The following KCTD1 variants were observed in gnomAD, a reference collection of about 807,000 sequenced individuals.
KCTD1 encodes BTB/POZ domain-containing protein KCTD1.
In KCTD1, 24 loss-of-function variants were observed where a neutral mutation model predicts 66.0. The observed-to-expected ratio is 0.36, with a 90% CI of 0.26 to 0.51. KCTD1 has a LOEUF of 0.51. Ranked by LOEUF, KCTD1 falls within the 20% of genes least tolerant of loss-of-function variation. The pLI, the probability that KCTD1 is intolerant of heterozygous loss-of-function variation, is 0.95. For synonymous variants in KCTD1, 511 were observed against 517.2 expected, an observed-to-expected ratio of 0.99 and a Z score of 0.16; for missense variants, 943 against 1,205.2, an observed-to-expected ratio of 0.78 and a Z score of 3.22.
chr18:26,548,689 T>A (rs1985402596), upstream of KCTD1: 1 of 789,762 alleles, frequency 1.3e-6, no homozygotes. Flanking sequence ...CGAGCGCAGC[T>A]CCGGAGGGGC....
chr18:26,572,476 A>C lies in KCTD1; in HGVS notation c.-16+56671T>G, dbSNP rs376606870. ...ATGGTACATGAATCCGATTGTAACA[A>C]GTTCTTTTTATTGGTTTTGGGTGGC... On this transcript the variant is annotated intron_variant, in intron 1 of 4. Transcript: ENST00000317932. Among the ~76,000 whole-genome samples the C allele has an allele frequency of 1.1e-4, 17 of 152,226 alleles. 1 individual carries two copies. In the East Asian group the frequency reaches 1.3e-3, roughly 12 times the overall value.
At chr18:26,616,961 T>A (rs1370968525) in intron 1 of KCTD1, among the ~76,000 whole-genome samples, 1 of 152,226 alleles carries the variant, frequency 6.6e-6, no homozygotes, top group Non-Finnish European at 1.5e-5. Context: ...TAAATTCAAT[T>A]GTTTTGTATT....
intron 1 of KCTD1, among the ~76,000 whole-genome samples, chr18:26,526,150 G>A (rs1984147974): frequency 2.0e-5 from 3 of 152,118 alleles, no homozygotes; most frequent in Admixed American, 2.0e-4. Flanking sequence ...AAAAATCCAG[G>A]GTGGCACAAA....
intron 1 of KCTD1, among the ~76,000 whole-genome samples, chr18:26,582,805 G>T (rs1361562581): frequency 1.4e-5 from 2 of 148,036 alleles, no homozygotes; most frequent in Non-Finnish European, 1.5e-5. Flanking sequence ...ACACCATTTG[G>T]TTTTTTTTTT....
rs72885429 is a variant in KCTD1, at chr18:26,477,193, A to G, written c.1989-534T>C. ...TAAAATGTCACTCATCTAGAAGAAT[A>G]TGTTTTCCACTAACAATATACACTA... is the stretch of plus-strand genomic sequence containing the variant. On this transcript the variant is annotated intron_variant, in intron 2 of 4. Coordinates refer to ENST00000580059, the MANE Select transcript of KCTD1 (RefSeq NM_001142730.3). 5.5e-3 allele frequency among the ~76,000 whole-genome samples: 844 copies of G among 152,346 alleles called. 5 individuals are homozygous for G. The highest frequency in any genetic ancestry group is 9.1e-3 in the Admixed American group (140 of 15,302).
At chr18:26,638,343 TA>T (rs570539789) in intron 1 of KCTD1, among the ~76,000 whole-genome samples, 35 of 148,662 alleles carry the variant, frequency 2.4e-4, no homozygotes, top group African/African-American at 6.9e-4. Flanking sequence ...TTCCAGTAGT[TA>T]AAAAAAAAAG....
intron 1 of KCTD1, among the ~76,000 whole-genome samples, chr18:26,572,797 A>G (rs1986139113): frequency 6.6e-6 from 1 of 152,214 alleles, no homozygotes; most frequent in Non-Finnish European, 1.5e-5. Context: ...ATGTTTGTAG[A>G]TGAGAGGACA....
At chr18:26,568,536 C>A (rs1460242553) in intron 1 of KCTD1, among the ~76,000 whole-genome samples, 1 of 152,016 alleles carries the variant, frequency 6.6e-6, no homozygotes, top group Non-Finnish European at 1.5e-5. Context: ...CACACCCAGC[C>A]TCAGCTCATA....
chr18:26,535,733 G>C (rs1430634758), intron 1 of KCTD1, among the ~76,000 whole-genome samples: 5 of 152,048 alleles, frequency 3.3e-5, no homozygotes, highest in Non-Finnish European at 1.5e-5. Flanking sequence ...TTATCTATAA[G>C]GTACAGCTTT....
At chr18:26,577,344 T>G (rs1158707674) in intron 1 of KCTD1, among the ~76,000 whole-genome samples, 1 of 152,222 alleles carries the variant, frequency 6.6e-6, no homozygotes, top group African/African-American at 2.4e-5. Context: ...TTTTTTGAAA[T>G]TTCTTATCTG....
chr18:26,491,602 A>T lies in KCTD1; in HGVS notation c.1988+9470T>A, dbSNP rs147573595. On this transcript the variant is annotated intron_variant, in intron 2 of 4. Transcript: ENST00000580059. ...CCTTTCCAAACTGTTCCAAGTCATG[A>T]TACACACAGAAAATGATGGTGCCAT... 2.9e-4 allele frequency among the ~76,000 whole-genome samples: 44 copies of T among 152,294 alleles called. 1 individual carries two copies. The highest frequency in any genetic ancestry group is 7.8e-4 in the Admixed American group (12 of 15,294).
At chr18:26,620,815 C>T (rs945644359) in intron 1 of KCTD1, among the ~76,000 whole-genome samples, 2 of 146,824 alleles carry the variant, frequency 1.4e-5, no homozygotes, top group African/African-American at 5.0e-5. Context: ...TAGCAGTCAT[C>T]CTGAAACACT....
At chr18:26,465,910 C>T (rs1026359324) in intron 3 of KCTD1, among the ~76,000 whole-genome samples, 1 of 152,182 alleles carries the variant, frequency 6.6e-6, no homozygotes, top group Non-Finnish European at 1.5e-5. Flanking sequence ...TACCAGACAG[C>T]GCTAGTCACC....
chr18:26,560,262 A>T (rs1266239185), intron 1 of KCTD1, among the ~76,000 whole-genome samples: 1 of 152,122 alleles, frequency 6.6e-6, no homozygotes, highest in Non-Finnish European at 1.5e-5. Flanking sequence ...ACAACAAAAA[A>T]TATGTATCAA....
chr18:26,651,114 T>C (rs373451329), intron 1 of KCTD1, among the ~76,000 whole-genome samples: 1 of 151,578 alleles, frequency 6.6e-6, no homozygotes, highest in Middle Eastern at 3.4e-3. Context: ...GTTTTTGTTT[T>C]TTTTCTTTCT....
At position 26,563,026 on chromosome 18, in the gene KCTD1, TC is replaced by T. The variant is rs567386810; in HGVS notation, c.-15-61777del. Among the ~76,000 whole-genome samples the T allele has an allele frequency of 1.2e-4, 19 of 152,314 alleles. No homozygotes were observed. The South Asian group carries it at 3.7e-3, about 30-fold the overall frequency. ...CCAAATCTGCTCCTCCTGCTTTATT[TC>T]CCATCTCTGCAATGCACCCGAGCTA... On this transcript the variant is annotated intron_variant, in intron 1 of 4. Transcript: ENST00000317932.
upstream of KCTD1, chr18:26,549,001 G>A: frequency 1.0e-6 from 1 of 985,142 alleles, no homozygotes; most frequent in East Asian, 1.1e-4. Flanking sequence ...CCCTTCCACT[G>A]CCCCCTCATT....
intron 1 of KCTD1, among the ~76,000 whole-genome samples, chr18:26,620,833 CTTTTT>C (rs67862567): frequency 8.5e-6 from 1 of 118,342 alleles, no homozygotes; most frequent in Non-Finnish European, 1.7e-5. Flanking sequence ...ACTTGAAAAG[CTTTTT>C]TTTTTTTTTT....
At chr18:26,503,071 T>C (rs1227183958) in intron 1 of KCTD1, among the ~76,000 whole-genome samples, 1 of 152,168 alleles carries the variant, frequency 6.6e-6, no homozygotes, top group Non-Finnish European at 1.5e-5. Context: ...TTACGCAAAA[T>C]GTTTACCATC....
Sources: gnomAD v4.1 joint callset for allele counts (sites outside exome capture counted in the v4.1 genomes callset) on GRCh38, gnomAD v4.1.1 for gene constraint, MANE v1.5 for transcripts, NCBI Gene and HGNC (gene_info 2026-07-23, HGNC 2026-07-21) for gene names.